Variants in JAM2 observed in about 807,000 individuals in gnomAD.
JAM2 encodes junctional adhesion molecule B.
Under a neutral mutation model 42.0 loss-of-function variants are expected in JAM2, and 17 were observed. The observed-to-expected ratio is 0.40, with a 90% CI of 0.28 to 0.61. The LOEUF is 0.61. JAM2 is among the 20% of genes least tolerant of loss of function. JAM2 has a pLI of 0.37. For synonymous variants in JAM2, 118 were observed against 128.6 expected, an observed-to-expected ratio of 0.92 and a Z score of 0.56; for missense variants, 319 against 358.3, an observed-to-expected ratio of 0.89 and a Z score of 0.89.
At chr21:25,650,067 A>C (rs918041221) in intron 1 of JAM2, among the ~76,000 whole-genome samples, 1 of 152,170 alleles carries the variant, frequency 6.6e-6, no homozygotes, top group African/African-American at 2.4e-5. Context: ...GTCCTATGAG[A>C]ATGGGACTAA....
chr21:25,639,810 C>T lies in JAM2; in HGVS notation c.-12C>T. The T allele has an allele frequency of 1.3e-6, 2 of 1,573,128 alleles. No homozygotes were observed. The highest frequency in any genetic ancestry group is 1.2e-5 in the South Asian group (1 of 85,996). On this transcript the variant is annotated 5_prime_UTR_variant, in exon 1 of 10. Coordinates refer to ENST00000480456, the MANE Select transcript of JAM2 (RefSeq NM_021219.4). ...CGACCTCCTCAGAGCAGCCGGCTGC[C>T]GCCCCGGGAAGATGGCGAGGAGGAG...
chr21:25,701,760 T>C (rs6516686), intron 5 of JAM2, among the ~76,000 whole-genome samples: 21,885 of 152,122 alleles, frequency 0.14, 2,212 homozygotes, highest in African/African-American at 0.29. Context: ...GTGAACTCGC[T>C]TGTGACTTAG....
chr21:25,686,126 A>C (rs1002375611), intron 2 of JAM2, among the ~76,000 whole-genome samples: 1 of 152,084 alleles, frequency 6.6e-6, no homozygotes, highest in African/African-American at 2.4e-5. Flanking sequence ...TGTTTTCATC[A>C]CTCCAAAACA....
intron 1 of JAM2, among the ~76,000 whole-genome samples, chr21:25,650,430 G>A (rs1420656025): frequency 6.6e-6 from 1 of 152,148 alleles, no homozygotes; most frequent in Non-Finnish European, 1.5e-5. Context: ...TTAGGCAAAT[G>A]CCAAAATCAG....
chr21:25,698,556 A>G, intron 4 of JAM2, 121 bp from the exon 5 acceptor site: 1 of 788,654 alleles, frequency 1.3e-6, no homozygotes, highest in Non-Finnish European at 2.0e-6. Context: ...TCCAGTAATC[A>G]CACCTCTTTA....
chr21:25,663,835 A>G (rs2033151330), intron 1 of JAM2, among the ~76,000 whole-genome samples: 1 of 152,212 alleles, frequency 6.6e-6, no homozygotes, highest in African/African-American at 2.4e-5. Flanking sequence ...ATTATCAGCA[A>G]CAGAAAACAG....
At chr21:25,696,234 G>A (rs925615853) in intron 4 of JAM2, among the ~76,000 whole-genome samples, 1 of 152,158 alleles carries the variant, frequency 6.6e-6, no homozygotes, top group Non-Finnish European at 1.5e-5. Context: ...AAAAAAATAC[G>A]AAAACCAGTC....
intron 1 of JAM2, among the ~76,000 whole-genome samples, chr21:25,659,247 T>C (rs1195863020): frequency 1.7e-5 from 2 of 119,814 alleles, no homozygotes; most frequent in Non-Finnish European, 3.4e-5. Flanking sequence ...CCTCATAATT[T>C]TCTAGCCTTT....
chr21:25,668,185 G>T (rs1723070886), intron 1 of JAM2, among the ~76,000 whole-genome samples: 1 of 152,190 alleles, frequency 6.6e-6, no homozygotes, highest in Admixed American at 6.5e-5. Flanking sequence ...AAAGCAATGG[G>T]CCACTTTGCA....
At chr21:25,662,265 A>G (rs975157862) in intron 1 of JAM2, among the ~76,000 whole-genome samples, 188 of 152,106 alleles carry the variant, frequency 1.2e-3, no homozygotes, top group African/African-American at 4.4e-3. Flanking sequence ...CTCCCACCTC[A>G]GCCTCCCGAG....
chr21:25,648,098 C>A (rs1219199258), intron 1 of JAM2, among the ~76,000 whole-genome samples: 2 of 152,114 alleles, frequency 1.3e-5, no homozygotes, highest in Non-Finnish European at 2.9e-5. Context: ...GTAGTCCCAG[C>A]TACTCAGGAG....
At chr21:25,641,630 G>C (rs140149171) in intron 1 of JAM2, among the ~76,000 whole-genome samples, 2,417 of 151,880 alleles carry the variant, frequency 0.016, 48 homozygotes, top group Non-Finnish European at 0.02. Flanking sequence ...TTTTAGAACA[G>C]TTTGGATTTA....
At chr21:25,644,843 T>C (rs1208609925) in intron 1 of JAM2, among the ~76,000 whole-genome samples, 1 of 147,330 alleles carries the variant, frequency 6.8e-6, no homozygotes, top group Non-Finnish European at 1.5e-5. Flanking sequence ...CTCATAGTGA[T>C]ATAAAGCTGG....
At chr21:25,675,486 ACT>A (rs2123354861) in intron 1 of JAM2, among the ~76,000 whole-genome samples, 1 of 151,490 alleles carries the variant, frequency 6.6e-6, no homozygotes, top group South Asian at 2.1e-4. Context: ...ACAGAGGGAA[ACT>A]CTGTCTCAGA....
intron 4 of JAM2, among the ~76,000 whole-genome samples, chr21:25,695,369 T>C (rs1423787317): frequency 6.6e-6 from 1 of 152,242 alleles, no homozygotes; most frequent in Non-Finnish European, 1.5e-5. Context: ...GAGTCTCCTA[T>C]GTCTACTTTC....
intron 3 of JAM2, among the ~76,000 whole-genome samples, chr21:25,690,555 C>CCAGG (rs1248190448): frequency 6.6e-6 from 1 of 150,792 alleles, no homozygotes; most frequent in Non-Finnish European, 1.5e-5. Flanking sequence ...CCTATGTTGC[C>CCAGG]CAGGCTGGTC....
At chr21:25,675,415 G>A (rs1465456570) in intron 1 of JAM2, among the ~76,000 whole-genome samples, 1 of 152,018 alleles carries the variant, frequency 6.6e-6, no homozygotes, top group Non-Finnish European at 1.5e-5. Flanking sequence ...AAAACCAGTT[G>A]AGCCCGGGAA....
In JAM2 at chr21:25,680,249, G is replaced by A. The variant is rs144944960; in HGVS notation, c.68-3634G>A. 2.2e-3 allele frequency among the ~76,000 whole-genome samples: 339 copies of A among 152,288 alleles called. 1 individual carries two copies. The highest frequency in any genetic ancestry group is 7.8e-3 in the African/African-American group (323 of 41,548). ...TGTTTTCCATTAATCTAATGGCTAG[G>A]ACTTTTGATGTGGAAAGGCAGAACA... On this transcript the variant is annotated intron_variant, in intron 1 of 9. Coordinates refer to ENST00000480456, the MANE Select transcript of JAM2 (RefSeq NM_021219.4).
At chr21:25,674,508 T>G (rs1389241719) in intron 1 of JAM2, among the ~76,000 whole-genome samples, 1 of 152,244 alleles carries the variant, frequency 6.6e-6, no homozygotes, top group Non-Finnish European at 1.5e-5. Flanking sequence ...GAGTCATTTC[T>G]TACTTAGAAG....
Sources: gnomAD v4.1 joint callset for allele counts (sites outside exome capture counted in the v4.1 genomes callset) on GRCh38, gnomAD v4.1.1 for gene constraint, MANE v1.5 for transcripts, NCBI Gene and HGNC (gene_info 2026-07-23, HGNC 2026-07-21) for gene names.